Variants in NPHP3 observed in about 807,000 individuals in gnomAD.
NPHP3 encodes nephrocystin 3, also known as nephrocystin-3.
A neutral mutation model predicts 171.9 loss-of-function variants in NPHP3; 123 were observed. The ratio of observed to expected loss-of-function variants is 0.72; its 90% CI spans 0.62 to 0.83. The LOEUF is 0.83. Among genes scored for constraint, NPHP3 ranks in the 40% least tolerant of loss-of-function variants. The pLI is 0.00. For synonymous variants in NPHP3, 558 were observed against 579.2 expected (o/e 0.96, Z 0.52); for missense variants, 1,506 against 1,591.9 (o/e 0.95, Z 0.92).
intron 8 of NPHP3, among the ~76,000 whole-genome samples, chr3:132,705,030 C>G (rs1939709357): frequency 6.6e-6 from 1 of 152,130 alleles, no homozygotes; most frequent in African/African-American, 2.4e-5. Context: ...TTCAAGCTTC[C>G]TACTTCTCAA....
intron 16 of NPHP3, among the ~76,000 whole-genome samples, chr3:132,694,385 A>G (rs1018847065): frequency 2.0e-5 from 3 of 151,404 alleles, no homozygotes; most frequent in Admixed American, 2.0e-4. Context: ...GTGTTTACAC[A>G]CACACACACA....
chr3:132,710,729 C>T (rs1261554580), intron 6 of NPHP3, among the ~76,000 whole-genome samples: 2 of 152,150 alleles, frequency 1.3e-5, no homozygotes, highest in Non-Finnish European at 2.9e-5. Context: ...GGATTTTTCT[C>T]CTTCCATGAA....
In NPHP3 at chr3:132,682,799, A is replaced by G; in HGVS notation, c.3716T>C (p.Leu1239Ser). 2 of 1,610,316 alleles carry G rather than the reference A, an allele frequency of 1.2e-6. No individual in the cohort carries two copies. Among genetic ancestry groups the G allele is most frequent in the Non-Finnish European group, 1.7e-6 (2 of 1,176,566 alleles). The change falls in exon 26 of 27, where the codon TTG (leucine) becomes TCG (serine). Residue 1239 changes from leucine (L) to serine (S), a missense_variant. By Grantham distance (145) the Leu-to-Ser change is moderately radical. Transcript: ENST00000337331. ...YSQMKKHVEA[L>S]PLYERALKIY... ...CTTTAATGCTCTTTCATATAATGGC[A>G]AAGCTTCAACGTGTTTTTTCTTATT... is the stretch of plus-strand genomic sequence containing the variant.
chr3:132,713,021 T>A, intron 6 of NPHP3, 105 bp downstream of exon 6: 1 of 564,386 alleles, frequency 1.8e-6, no homozygotes, highest in South Asian at 2.9e-5. Context: ...CATGGATTTT[T>A]TTATTATAAG....
rs1939336431 is a variant in NPHP3, at chr3:132,692,890, A to G, written c.2311-72T>C. ...GTAACTAACGGCCATTAAAAGTTCC[A>G]TAATTCTTTTAAGGCTATTTCTTTT... On this transcript the variant is annotated intron_variant, in intron 16 of 26. Transcript: ENST00000337331. 74 of 1,275,414 alleles carry G rather than the reference A, an allele frequency of 5.8e-5. 2 individuals are homozygous for G. The South Asian group carries it at 8.0e-4, about 14-fold the overall frequency. The allele number at this position is 1,275,414 out of a possible 1,614,324, so 79.0% of individuals were successfully genotyped here.
At chr3:132,689,822 AT>A (rs1939254260) in intron 19 of NPHP3, among the ~76,000 whole-genome samples, 1 of 152,244 alleles carries the variant, frequency 6.6e-6, no homozygotes, top group South Asian at 2.1e-4. Flanking sequence ...AAACTAAAAA[AT>A]ATCTGATTTC....
intron 18 of NPHP3, 41 bp from the exon 19 acceptor site, chr3:132,690,691 A>T (rs780787029): frequency 6.2e-7 from 1 of 1,607,586 alleles, no homozygotes; most frequent in Non-Finnish European, 8.5e-7. Context: ...TCTTCCTACA[A>T]TGAGACTGCT....
rs767750511 is a variant in NPHP3 at position 132,690,600 on chromosome 3, T to C, written c.2621A>G (p.Gln874Arg). 3.1e-6 allele frequency: 5 copies of C among 1,613,668 alleles called. No individual in the cohort carries two copies. The African/African-American group carries it at 4.0e-5, about 13-fold the overall frequency. ...RSADELPWLF[Q>R]QQGSKQKLHD... ...CAGCTTCTGTTTACTTCCCTGCTGC[T>C]GAAAAAGCCACGGGAGTTCATCTGC... is the stretch of plus-strand genomic sequence containing the variant. Residue 874 changes from glutamine (Q) to arginine (R), a missense_variant, in exon 19 of 27, where the codon CAG (glutamine) becomes CGG (arginine). Transcript: ENST00000337331.
intron 19 of NPHP3, 130 bp downstream of exon 19, chr3:132,690,398 T>G (rs114883280): frequency 2.4e-6 from 2 of 841,208 alleles, no homozygotes; most frequent in East Asian, 5.3e-5. Flanking sequence ...TGTCTCAAGA[T>G]TTCTCCTACA....
At chr3:132,715,549 T>C (rs1197784082) in intron 4 of NPHP3, among the ~76,000 whole-genome samples, 2 of 152,234 alleles carry the variant, frequency 1.3e-5, no homozygotes, top group East Asian at 3.8e-4. Context: ...TAGCTTTACT[T>C]TCTTATTATT....
Position 132,715,087 on chromosome 3 carries a change from T to A in NPHP3, c.955A>T (p.Lys319Ter). The A allele has an allele frequency of 6.2e-7, 1 of 1,610,214 alleles. No individual in the cohort carries two copies. Among genetic ancestry groups the A allele is most frequent in the Non-Finnish European group, 8.5e-7 (1 of 1,176,688 alleles). ...ETQPEMDLFLKDYSPKLKRMC... is the reference protein window; with the variant it reads ...ETQPEMDLFL ...ACAGAATTTATAAATATCCTCACCT[T>A]AAGGAAAAGATCCATCTCAGGCTGG... The change falls in exon 5 of 27, where the codon AAG becomes TAG. Residue 319 changes from lysine to a stop codon, truncating the protein, a stop_gained and splice_region_variant. Coordinates refer to ENST00000337331, the MANE Select transcript of NPHP3 (RefSeq NM_153240.5). LOFTEE classifies it high-confidence loss of function.
intron 1 of NPHP3, 197 bp downstream of exon 1, chr3:132,721,766 A>G: frequency 1.3e-6 from 1 of 771,302 alleles, no homozygotes; most frequent in Non-Finnish European, 2.2e-6. Flanking sequence ...GTGCCACCGC[A>G]GCGAGACCCT....
chr3:132,712,491 G>C (rs1270493920), intron 6 of NPHP3: 1 of 456,598 alleles, frequency 2.2e-6, no homozygotes, highest in East Asian at 6.9e-5. Flanking sequence ...AATGGGCCAG[G>C]TGTGTTGGCC....
chr3:132,705,859 A>G (rs751169475), intron 7 of NPHP3, 45 bp from the exon 8 acceptor site: 10 of 1,026,690 alleles, frequency 9.7e-6, no homozygotes, highest in Non-Finnish European at 1.2e-5. Context: ...CCATAATATC[A>G]GAAGGAAGTG....
At chr3:132,699,590 T>A (rs528824943) in intron 12 of NPHP3, 140 bp from the exon 13 acceptor site, 1 of 714,136 alleles carries the variant, frequency 1.4e-6, no homozygotes. Context: ...TGATTTATTT[T>A]AGAATTTTAA....
chr3:132,713,702 G>A (rs976525620), intron 5 of NPHP3, among the ~76,000 whole-genome samples: 4 of 152,134 alleles, frequency 2.6e-5, no homozygotes, highest in Non-Finnish European at 5.9e-5. Flanking sequence ...CTAAAGCAGA[G>A]CGATATAAGT....
At chr3:132,688,092 A>G (rs1939206986) in intron 21 of NPHP3, among the ~76,000 whole-genome samples, 1 of 152,214 alleles carries the variant, frequency 6.6e-6, no homozygotes, top group Non-Finnish European at 1.5e-5. Flanking sequence ...CAAAATCAGA[A>G]GCTTTTTGAG....
chr3:132,712,529 G>T, intron 6 of NPHP3: 1 of 454,146 alleles, frequency 2.2e-6, no homozygotes, highest in African/African-American at 2.0e-5. Context: ...CACTTTGGGA[G>T]GCCAAGGCAG....
At chr3:132,691,435 A>G in intron 17 of NPHP3, 149 bp from the exon 18 acceptor site, 1 of 629,670 alleles carries the variant, frequency 1.6e-6, no homozygotes, top group Non-Finnish European at 2.8e-6. Flanking sequence ...TTTAGGACAT[A>G]TTTATTTGAT....
Sources: gnomAD v4.1 joint callset for allele counts (sites outside exome capture counted in the v4.1 genomes callset) on GRCh38, gnomAD v4.1.1 for gene constraint, MANE v1.5 for transcripts, NCBI Gene and HGNC (gene_info 2026-07-23, HGNC 2026-07-21) for gene names.